The following PCSK5 variants were observed in gnomAD, a reference collection of about 807,000 sequenced individuals.
The protein encoded by PCSK5 is proprotein convertase subtilisin/kexin type 5.
Under a neutral mutation model 233.2 loss-of-function variants are expected in PCSK5, and 129 were observed. The ratio of observed to expected loss-of-function variants is 0.55; its 90% CI spans 0.48 to 0.64. PCSK5 has a LOEUF of 0.64. Ranked by LOEUF, PCSK5 falls within the 30% of genes least tolerant of loss-of-function variation. The pLI is 0.00. For synonymous variants in PCSK5, 825 were observed against 879.2 expected, an observed-to-expected ratio of 0.94 and a Z score of 1.09; for missense variants, 2,076 against 2,430.1, an observed-to-expected ratio of 0.85 and a Z score of 3.06.
At chr9:76,146,073 C>T (rs1298589264) in intron 10 of PCSK5, among the ~76,000 whole-genome samples, 1 of 151,926 alleles carries the variant, frequency 6.6e-6, no homozygotes, top group South Asian at 2.1e-4. Flanking sequence ...TCTCTTTACA[C>T]ATGCTCACAT....
chr9:76,129,406 CTTTT>C (rs1299044774), intron 9 of PCSK5, among the ~76,000 whole-genome samples: 2 of 152,132 alleles, frequency 1.3e-5, no homozygotes, highest in Non-Finnish European at 2.9e-5. Flanking sequence ...CAGAATTACT[CTTTT>C]ATTTTAGGAA....
chr9:76,058,273 G>C (rs532999777), intron 5 of PCSK5, among the ~76,000 whole-genome samples: 141 of 152,272 alleles, frequency 9.3e-4, no homozygotes, highest in Non-Finnish European at 1.9e-3. Flanking sequence ...ACCTCATCCA[G>C]CCTGGAGGTA....
chr9:75,968,054 G>T (rs561403528), intron 2 of PCSK5, among the ~76,000 whole-genome samples: 5 of 152,034 alleles, frequency 3.3e-5, no homozygotes, highest in Admixed American at 6.5e-5. Context: ...GAGCCACTGC[G>T]CCTGGCCAGG....
chr9:75,928,611 A>G (rs895745700), intron 1 of PCSK5, among the ~76,000 whole-genome samples: 2 of 105,944 alleles, frequency 1.9e-5, no homozygotes, highest in African/African-American at 4.5e-5. Context: ...ATATATATAT[A>G]TATATATATA....
chr9:76,168,174 C>T (rs1310401226), intron 12 of PCSK5, among the ~76,000 whole-genome samples: 2 of 152,122 alleles, frequency 1.3e-5, no homozygotes, highest in Admixed American at 1.3e-4. Context: ...TTATTTGAGA[C>T]AGAGTCTCCC....
chr9:76,222,697 T>A (rs1825766275), intron 20 of PCSK5, among the ~76,000 whole-genome samples: 1 of 152,240 alleles, frequency 6.6e-6, no homozygotes, highest in South Asian at 2.1e-4. Context: ...TAAGGCTGAA[T>A]GATTGTGTTG....
intron 9 of PCSK5, among the ~76,000 whole-genome samples, chr9:76,121,298 A>G (rs1240098354): frequency 6.6e-6 from 1 of 151,928 alleles, no homozygotes; most frequent in African/African-American, 2.4e-5. Flanking sequence ...AGAATAATAC[A>G]TTGTTAATAT....
intron 9 of PCSK5, among the ~76,000 whole-genome samples, chr9:76,120,657 C>T (rs1564039936): frequency 1.4e-5 from 2 of 147,832 alleles, no homozygotes; most frequent in Non-Finnish European, 3.0e-5. Context: ...TCCTTTAACT[C>T]ACATTATATT....
intron 24 of PCSK5, among the ~76,000 whole-genome samples, chr9:76,261,913 G>A (rs1483598835): frequency 1.3e-5 from 2 of 152,156 alleles, no homozygotes; most frequent in African/African-American, 4.8e-5. Flanking sequence ...GGGCTGAGAT[G>A]ATGGGGTTTT....
chr9:76,219,485 T>G (rs1376210037), intron 20 of PCSK5, among the ~76,000 whole-genome samples: 1 of 152,044 alleles, frequency 6.6e-6, no homozygotes, highest in Non-Finnish European at 1.5e-5. Flanking sequence ...CAAGGAACAT[T>G]TGGGTGGTAT....
At chr9:75,913,800 T>C (rs916898909) in intron 1 of PCSK5, among the ~76,000 whole-genome samples, 3 of 151,898 alleles carry the variant, frequency 2.0e-5, no homozygotes, top group Non-Finnish European at 4.4e-5. Context: ...TGGCATTCCT[T>C]TTTTTTTGTA....
At chr9:75,962,371 G>A (rs1479488968) in intron 2 of PCSK5, among the ~76,000 whole-genome samples, 3 of 152,232 alleles carry the variant, frequency 2.0e-5, no homozygotes, top group East Asian at 1.9e-4. Flanking sequence ...AACTCGGCAG[G>A]TGCAGATCCA....
At chr9:76,069,448 A>T (rs1201369594) in intron 6 of PCSK5, among the ~76,000 whole-genome samples, 2 of 43,384 alleles carry the variant, frequency 4.6e-5, no homozygotes, top group Non-Finnish European at 8.1e-5. Context: ...TAGCTTACAG[A>T]ACCTTATTTA....
chr9:76,174,954 G>T (rs1673154091), intron 13 of PCSK5, 32 bp from the exon 14 acceptor site: 1 of 1,565,264 alleles, frequency 6.4e-7, no homozygotes, highest in South Asian at 1.2e-5. Context: ...GGAAAATTTG[G>T]TCATGCTGTG....
chr9:76,175,187 C>G (rs773812348), intron 14 of PCSK5, 58 bp downstream of exon 14: 2 of 1,442,410 alleles, frequency 1.4e-6, no homozygotes, highest in Non-Finnish European at 1.9e-6. Context: ...CATCATCCCA[C>G]CACATGGGAG....
chr9:76,233,340 C>T (rs1826152036), intron 21 of PCSK5, 120 bp from the exon 22 acceptor site: 4 of 966,786 alleles, frequency 4.1e-6, no homozygotes, highest in South Asian at 1.6e-5. Context: ...AGGCATCCCC[C>T]TTGTTTCTGG....
chr9:76,246,495 C>G (rs1425183767), intron 24 of PCSK5, among the ~76,000 whole-genome samples: 1 of 151,968 alleles, frequency 6.6e-6, no homozygotes, highest in African/African-American at 2.4e-5. Flanking sequence ...CAAAATGGTA[C>G]AATGGCTGTT....
At chr9:76,284,733 T>C (rs1284667961) in intron 24 of PCSK5, among the ~76,000 whole-genome samples, 1 of 151,976 alleles carries the variant, frequency 6.6e-6, no homozygotes, top group Non-Finnish European at 1.5e-5. Context: ...AGTTTCTCCA[T>C]GTTGGTCAGG....
chr9:76,181,329 C>T, intron 15 of PCSK5, 69 bp from the exon 16 acceptor site: 1 of 1,352,136 alleles, frequency 7.4e-7, no homozygotes, highest in Non-Finnish European at 1.0e-6. Flanking sequence ...TTGCTCAGCA[C>T]CTCCAAGAGA....
Sources: gnomAD v4.1 joint callset for allele counts (sites outside exome capture counted in the v4.1 genomes callset) on GRCh38, gnomAD v4.1.1 for gene constraint, MANE v1.5 for transcripts, NCBI Gene and HGNC (gene_info 2026-07-23, HGNC 2026-07-21) for gene names.